XNDC1N: variants seen among roughly 807,000 people sequenced by gnomAD.
The protein encoded by XNDC1N is protein XNDC1N.
chr11:71,874,125 A>C, the XNDC1N span, among the ~76,000 whole-genome samples: 1 of 152,094 alleles, frequency 6.6e-6, no homozygotes, highest in Non-Finnish European at 1.5e-5. Flanking sequence ...GAACAGCCTA[A>C]CCAACATGGC....
At chr11:71,899,085 T>C in the XNDC1N span, among the ~76,000 whole-genome samples, 3 of 152,200 alleles carry the variant, frequency 2.0e-5, no homozygotes, top group African/African-American at 4.8e-5. Context: ...TGCATTATTA[T>C]ACGGACATCC....
At chr11:71,866,146 C>CT in the XNDC1N span, among the ~76,000 whole-genome samples, 37 of 147,024 alleles carry the variant, frequency 2.5e-4, 1 homozygote, top group African/African-American at 6.4e-4. Context: ...GAGATAACCC[C>CT]TTTTTTTTTT....
At chr11:71,892,376 C>G in the XNDC1N span, among the ~76,000 whole-genome samples, 1 of 152,124 alleles carries the variant, frequency 6.6e-6, no homozygotes, top group South Asian at 2.1e-4. Flanking sequence ...AGTCGTATCT[C>G]TGTAATACCT....
chr11:71,881,420 G>A, the XNDC1N span, among the ~76,000 whole-genome samples: 1 of 152,150 alleles, frequency 6.6e-6, no homozygotes, highest in Non-Finnish European at 1.5e-5. Flanking sequence ...TTTTCTCACA[G>A]TTCTGGAAGT....
the XNDC1N span, among the ~76,000 whole-genome samples, chr11:71,876,966 C>T: frequency 2.0e-5 from 3 of 152,178 alleles, no homozygotes; most frequent in Non-Finnish European, 2.9e-5. Context: ...GCCCAGGCAC[C>T]GCTGCCCCAG....
the XNDC1N span, among the ~76,000 whole-genome samples, chr11:71,882,213 T>TA: frequency 0.026 from 3,676 of 143,714 alleles, 118 homozygotes; most frequent in African/African-American, 0.076. Context: ...TTTAAAATGT[T>TA]AAAAAAAAAA....
the XNDC1N span, chr11:71,928,215 AG>A: frequency 3.8e-6 from 2 of 524,870 alleles, no homozygotes; most frequent in Non-Finnish European, 6.8e-6. Context: ...AGGTCCCGCA[AG>A]GCTCTTCAGC....
At chr11:71,879,545 C>A in the XNDC1N span, among the ~76,000 whole-genome samples, 19 of 152,082 alleles carry the variant, frequency 1.2e-4, no homozygotes, top group African/African-American at 3.9e-4. Context: ...ATTCAAGATT[C>A]CCTTATTTAT....
the XNDC1N span, among the ~76,000 whole-genome samples, chr11:71,891,538 T>A: frequency 6.6e-6 from 1 of 152,106 alleles, no homozygotes; most frequent in Non-Finnish European, 1.5e-5. Flanking sequence ...GGATGTAATA[T>A]GATCCTCTCC....
At chr11:71,911,507 C>A in the XNDC1N span, among the ~76,000 whole-genome samples, 2 of 151,950 alleles carry the variant, frequency 1.3e-5, no homozygotes, top group African/African-American at 4.8e-5. Flanking sequence ...GCAGTGATAA[C>A]CCTGGACACT....
At chr11:71,900,956 C>A in the XNDC1N span, among the ~76,000 whole-genome samples, 5,263 of 144,810 alleles carry the variant, frequency 0.036, 77 homozygotes, top group East Asian at 0.078. Flanking sequence ...TCCCTGCAAC[C>A]AACCTGCCCT....
chr11:71,867,716 G>A, the XNDC1N span, among the ~76,000 whole-genome samples: 1 of 152,204 alleles, frequency 6.6e-6, no homozygotes, highest in Non-Finnish European at 1.5e-5. Context: ...CAATCACATG[G>A]TTGATTTTAG....
the XNDC1N span, among the ~76,000 whole-genome samples, chr11:71,910,924 AG>A: frequency 6.6e-6 from 1 of 152,234 alleles, no homozygotes; most frequent in South Asian, 2.1e-4. Context: ...CATGAGTTAA[AG>A]GAAAAACTTC....
the XNDC1N span, among the ~76,000 whole-genome samples, chr11:71,886,032 C>T: frequency 5.7e-4 from 86 of 152,036 alleles, no homozygotes; most frequent in African/African-American, 1.8e-3. Flanking sequence ...TTGCGCCATT[C>T]CACTCCTCCC....
the XNDC1N span, chr11:71,884,475 G>A: frequency 7.5e-6 from 12 of 1,610,404 alleles, no homozygotes; most frequent in East Asian, 2.7e-4. Flanking sequence ...GTGCAATGCT[G>A]ATGAACATGC....
the XNDC1N span, among the ~76,000 whole-genome samples, chr11:71,901,459 C>T: frequency 1.3e-5 from 2 of 151,838 alleles, no homozygotes; most frequent in Non-Finnish European, 2.9e-5. Flanking sequence ...ATGAGCCAGC[C>T]GTAGTGGCGG....
chr11:71,901,286 C>G, the XNDC1N span, among the ~76,000 whole-genome samples: 2 of 152,024 alleles, frequency 1.3e-5, no homozygotes, highest in African/African-American at 4.8e-5. Flanking sequence ...CCTGTGGTTA[C>G]GACCTCTGAG....
chr11:71,911,635 C>A, the XNDC1N span, among the ~76,000 whole-genome samples: 9 of 152,166 alleles, frequency 5.9e-5, no homozygotes, highest in South Asian at 6.2e-4. Context: ...CACTGATTCT[C>A]GGTATGTCTT....
the XNDC1N span, among the ~76,000 whole-genome samples, chr11:71,875,174 A>G: frequency 6.6e-6 from 1 of 152,212 alleles, no homozygotes; most frequent in Non-Finnish European, 1.5e-5. Context: ...TATTATGCAG[A>G]AAGTAAAAAT....
Sources: allele counts gnomAD v4.1 joint callset (sites outside exome capture counted in the v4.1 genomes callset), GRCh38; gene constraint gnomAD v4.1.1; transcripts MANE v1.5; gene names NCBI Gene and HGNC (gene_info 2026-07-23, HGNC 2026-07-21).